Variants in GRK7 observed in about 807,000 individuals in gnomAD.
GRK7 encodes the protein G protein-coupled receptor kinase 7, also known as rhodopsin kinase GRK7.
GRK7 carries 24 observed loss-of-function variants against 34.1 expected under a neutral mutation model. That is an observed-to-expected ratio of 0.70 (90% CI 0.51 to 0.99). GRK7 has a LOEUF of 0.99. GRK7 is among the 50% of genes least tolerant of loss of function. GRK7 has a pLI of 0.00. For synonymous variants in GRK7, 256 were observed against 279.4 expected (o/e 0.92, Z 0.84); for missense variants, 644 against 707.3 (o/e 0.91, Z 1.02).
Position 141,780,633 on chromosome 3 carries a change from G to A in GRK7, c.872G>A (p.Ser291Asn), listed in dbSNP as rs1485320737. The A allele has an allele frequency of 6.2e-7, 1 of 1,614,102 alleles. No homozygotes were observed. The highest frequency in any genetic ancestry group is 1.7e-5 in the Admixed American group (1 of 60,004). The change falls in exon 4 of 6, where the codon AGC (serine) becomes AAC (asparagine). Residue 291 changes from serine (S) to asparagine (N), a missense_variant. By Grantham distance (46) the Ser-to-Asn change is conservative (BLOSUM62 1). Transcript: ENST00000682958. Reference protein sequence around the residue: ...YNVGTRGLDMSRVIFYSAQIA... With the variant: ...YNVGTRGLDMNRVIFYSAQIA... ...GTGGGCACGCGTGGCCTGGACATGA[G>A]CCGGGTGATCTTTTACTCGGCCCAG...
At chr3:141,783,447 C>T (rs1475934224) in intron 4 of GRK7, among the ~76,000 whole-genome samples, 1 of 152,132 alleles carries the variant, frequency 6.6e-6, no homozygotes, top group Non-Finnish European at 1.5e-5. Context: ...TGAAGAACAG[C>T]TGGATATTGA....
rs1390104010 is a variant in GRK7 at position 141,780,706 on chromosome 3, G to A, written c.945G>A (p.Arg315=). 6.2e-7 allele frequency: 1 copy of A among 1,614,174 alleles called. No individual in the cohort carries two copies. The highest frequency in any genetic ancestry group is 1.7e-5 in the Admixed American group (1 of 60,020). ...LHLHELGIVY[R]DMKPENVLLD... ...TCCATGAACTCGGCATCGTCTATCG[G>A]GACATGAAGCCTGAGAATGTGCTTC... The change falls in exon 4 of 6, where the codon CGG becomes CGA. Residue 315 remains arginine, a synonymous_variant. Coordinates refer to ENST00000682958, the MANE Select transcript of GRK7 (RefSeq NM_139209.3).
At chr3:141,775,881 T>C (rs994205976) in intron 2 of GRK7, among the ~76,000 whole-genome samples, 1 of 152,074 alleles carries the variant, frequency 6.6e-6, no homozygotes, top group Non-Finnish European at 1.5e-5. Context: ...TTGGGTTAAG[T>C]GATTACTTAG....
At chr3:141,776,369 T>C (rs1463064351) in intron 2 of GRK7, among the ~76,000 whole-genome samples, 1 of 152,248 alleles carries the variant, frequency 6.6e-6, no homozygotes, top group African/African-American at 2.4e-5. Flanking sequence ...CTCAAGGTTC[T>C]ACCTTGCTAG....
intron 4 of GRK7, among the ~76,000 whole-genome samples, chr3:141,795,900 C>T (rs999997043): frequency 2.0e-5 from 3 of 151,942 alleles, no homozygotes; most frequent in East Asian, 1.9e-4. Context: ...AATGGAGTCA[C>T]GGGAATAAGG....
intron 1 of GRK7, among the ~76,000 whole-genome samples, chr3:141,767,482 G>C (rs925823155): frequency 4.4e-4 from 66 of 151,688 alleles, no homozygotes; most frequent in African/African-American, 1.5e-3. Context: ...GCTCACTCCA[G>C]CCTCCAGCCC....
At chr3:141,792,065 C>A (rs1026963069) in intron 4 of GRK7, among the ~76,000 whole-genome samples, 4 of 149,926 alleles carry the variant, frequency 2.7e-5, no homozygotes, top group African/African-American at 9.8e-5. Context: ...GGACATGATT[C>A]CTGCCTTCAT....
intron 4 of GRK7, among the ~76,000 whole-genome samples, chr3:141,795,179 C>T (rs888659300): frequency 6.6e-6 from 1 of 152,120 alleles, no homozygotes; most frequent in Non-Finnish European, 1.5e-5. Flanking sequence ...AAGGAGCATG[C>T]GCTAGGTAAA....
intron 4 of GRK7, among the ~76,000 whole-genome samples, chr3:141,806,038 G>A (rs1253317581): frequency 6.6e-6 from 1 of 152,046 alleles, no homozygotes; most frequent in African/African-American, 2.4e-5. Context: ...TAAATTCCTT[G>A]GTATTAACAA....
At chr3:141,782,773 C>G (rs1577915721) in intron 4 of GRK7, among the ~76,000 whole-genome samples, 1 of 150,202 alleles carries the variant, frequency 6.7e-6, no homozygotes, top group East Asian at 2.0e-4. Context: ...CCACTGCACT[C>G]TAGCCTGGGC....
chr3:141,813,565 G>A (rs1026560241), intron 5 of GRK7, among the ~76,000 whole-genome samples: 1 of 152,180 alleles, frequency 6.6e-6, no homozygotes, highest in Non-Finnish European at 1.5e-5. Flanking sequence ...CTTTCAGTTG[G>A]TGGAGACTTG....
At chr3:141,807,445 C>T (rs965246571) in intron 4 of GRK7, among the ~76,000 whole-genome samples, 200 bp from the exon 5 acceptor site, 5 of 152,206 alleles carry the variant, frequency 3.3e-5, no homozygotes, top group Non-Finnish European at 7.3e-5. Context: ...GTCGCATGGC[C>T]TCCCCTGGCT....
upstream of GRK7, among the ~76,000 whole-genome samples, chr3:141,762,393 C>T (rs1270404875): frequency 2.8e-5 from 4 of 144,722 alleles, no homozygotes; most frequent in Non-Finnish European, 4.6e-5. Context: ...GTCAGTGTGC[C>T]CCTGCTGGGG....
At chr3:141,783,659 A>T (rs2084682566) in intron 4 of GRK7, among the ~76,000 whole-genome samples, 1 of 152,104 alleles carries the variant, frequency 6.6e-6, no homozygotes, top group African/African-American at 2.4e-5. Flanking sequence ...AGACTCTGGA[A>T]GGGGGAGACT....
intron 1 of GRK7, among the ~76,000 whole-genome samples, chr3:141,766,958 C>G (rs553223497): frequency 2.0e-5 from 3 of 152,226 alleles, no homozygotes; most frequent in Non-Finnish European, 4.4e-5. Flanking sequence ...ACTTCATTTT[C>G]TCTCTTAGCT....
At position 141,810,126 on chromosome 3, in the gene GRK7, C is replaced by G. The variant is rs76476180; in HGVS notation, c.1325+2207C>G. On this transcript the variant is annotated intron_variant, in intron 5 of 5. Transcript: ENST00000682958. ...GCCTTAATAAGAAAAGACTGACTTC[C>G]CCAGAAGAAACGGTAATTCTGCCAG... Among the ~76,000 whole-genome samples, 529 of 152,278 alleles carry G rather than the reference C, an allele frequency of 3.5e-3. 6 individuals carry two copies. The highest frequency in any genetic ancestry group is 0.021 in the Admixed American group (328 of 15,282).
intron 4 of GRK7, among the ~76,000 whole-genome samples, chr3:141,806,990 C>T (rs954488758): frequency 1.3e-5 from 2 of 151,758 alleles, no homozygotes; most frequent in African/African-American, 4.8e-5. Flanking sequence ...ATCTAATGAT[C>T]ATTTGGCATA....
chr3:141,797,071 C>T (rs561089199), intron 4 of GRK7, among the ~76,000 whole-genome samples: 1 of 152,322 alleles, frequency 6.6e-6, no homozygotes, highest in Admixed American at 6.5e-5. Flanking sequence ...TGAACTACAG[C>T]AAACCAACGC....
At position 141,817,142 on chromosome 3, in the gene GRK7, C is replaced by A; in HGVS notation, c.*92C>A. ...GGAAATCTGTGGAATGAGGGCTAAT[C>A]AGTTAGGAGGGACATCACAACCACA... On this transcript the variant is annotated 3_prime_UTR_variant, in exon 6 of 6. Coordinates refer to ENST00000682958, the MANE Select transcript of GRK7 (RefSeq NM_139209.3). The A allele has an allele frequency of 1.0e-6, 1 of 956,642 alleles. No individual in the cohort carries two copies. The highest frequency in any genetic ancestry group is 1.6e-6 in the Non-Finnish European group (1 of 638,816). 59.3% of individuals were successfully genotyped at this position (956,642 alleles called of 1,614,324 possible).
Sources: allele counts gnomAD v4.1 joint callset (sites outside exome capture counted in the v4.1 genomes callset), GRCh38; gene constraint gnomAD v4.1.1; transcripts MANE v1.5; gene names NCBI Gene and HGNC (gene_info 2026-07-23, HGNC 2026-07-21).